The following FIRRM variants were observed in gnomAD, a reference collection of about 807,000 sequenced individuals.
FIRRM encodes the protein FIGNL1 interacting regulator of recombination and mitosis.
chr1:169,805,447 T>C, the FIRRM span, among the ~76,000 whole-genome samples: 3 of 152,238 alleles, frequency 2.0e-5, no homozygotes, highest in Admixed American at 2.0e-4. Context: ...CGCTGTGTGC[T>C]AGCACTTTTC....
chr1:169,850,417 C>T, the FIRRM span: 910 of 1,010,244 alleles, frequency 9.0e-4, 8 homozygotes, highest in African/African-American at 0.013. Flanking sequence ...GTAACTGTAA[C>T]CAACCTGAGT....
At chr1:169,799,180 T>C in the FIRRM span, among the ~76,000 whole-genome samples, 14 of 152,350 alleles carry the variant, frequency 9.2e-5, no homozygotes, top group Non-Finnish European at 1.8e-4. Context: ...CAAAGTGTTT[T>C]GTTGATGATG....
At chr1:169,787,710 C>G in the FIRRM span, among the ~76,000 whole-genome samples, 1 of 152,118 alleles carries the variant, frequency 6.6e-6, no homozygotes, top group African/African-American at 2.4e-5. Flanking sequence ...TTTTCTTTAA[C>G]AATCTGCTGC....
the FIRRM span, among the ~76,000 whole-genome samples, chr1:169,796,960 T>TAC: frequency 6.6e-6 from 1 of 152,226 alleles, no homozygotes; most frequent in Admixed American, 6.5e-5. Context: ...AACGCAGTCT[T>TAC]ACACTTGTAT....
the FIRRM span, among the ~76,000 whole-genome samples, chr1:169,848,335 G>A: frequency 1.3e-5 from 2 of 152,070 alleles, no homozygotes; most frequent in African/African-American, 4.8e-5. Flanking sequence ...ATAATTTAAA[G>A]AACTTACAGC....
chr1:169,806,867 C>G, the FIRRM span, among the ~76,000 whole-genome samples: 2 of 152,188 alleles, frequency 1.3e-5, no homozygotes, highest in African/African-American at 4.8e-5. Flanking sequence ...ATAGCAACTT[C>G]TTGACAGGGT....
the FIRRM span, among the ~76,000 whole-genome samples, chr1:169,799,359 C>T: frequency 0.066 from 10,073 of 152,180 alleles, 427 homozygotes; most frequent in Non-Finnish European, 0.099. Flanking sequence ...AACAAATTTA[C>T]CATTTGGAGG....
At chr1:169,792,744 G>A in the FIRRM span, 116 of 1,613,720 alleles carry the variant, frequency 7.2e-5, no homozygotes, top group African/African-American at 3.3e-4. Context: ...AAAAGTACAC[G>A]TCCATTTTTA....
chr1:169,801,316 G>C, the FIRRM span, among the ~76,000 whole-genome samples: 1 of 151,800 alleles, frequency 6.6e-6, no homozygotes, highest in African/African-American at 2.4e-5. Flanking sequence ...ATGGTGGCAG[G>C]TGCCTGTAAT....
At chr1:169,788,990 T>A in the FIRRM span, among the ~76,000 whole-genome samples, 3 of 152,202 alleles carry the variant, frequency 2.0e-5, no homozygotes, top group African/African-American at 7.2e-5. Flanking sequence ...GTCATAAATG[T>A]ACTGTGGCTT....
At chr1:169,808,971 A>G in the FIRRM span, among the ~76,000 whole-genome samples, 38 of 152,178 alleles carry the variant, frequency 2.5e-4, no homozygotes, top group East Asian at 5.8e-3. Flanking sequence ...AGCCCCTTCT[A>G]TTGTACATCT....
chr1:169,793,438 C>T, the FIRRM span: 7 of 1,614,128 alleles, frequency 4.3e-6, no homozygotes, highest in African/African-American at 1.3e-5. Context: ...GCTCCAAGTT[C>T]CTTGAACTGC....
chr1:169,821,605 C>A, the FIRRM span: 5 of 1,082,512 alleles, frequency 4.6e-6, no homozygotes, highest in African/African-American at 6.5e-5. Context: ...AAAATATTGT[C>A]TCATTTGTAA....
At chr1:169,818,016 T>C in the FIRRM span, among the ~76,000 whole-genome samples, 1 of 152,180 alleles carries the variant, frequency 6.6e-6, no homozygotes, top group Non-Finnish European at 1.5e-5. Context: ...TTCAGCGTTA[T>C]CCTATTTAAC....
the FIRRM span, chr1:169,795,520 T>G: frequency 8.7e-7 from 1 of 1,152,708 alleles, no homozygotes; most frequent in African/African-American, 1.6e-5. Context: ...TTGCTTGCAA[T>G]TAAGTGTAAA....
the FIRRM span, chr1:169,852,232 T>TGAAA: frequency 1.1e-5 from 4 of 373,476 alleles, no homozygotes; most frequent in Non-Finnish European, 1.9e-5. Context: ...CAGAAGAAAA[T>TGAAA]GAAAGAAACT....
the FIRRM span, among the ~76,000 whole-genome samples, chr1:169,822,025 T>C: frequency 6.6e-6 from 1 of 152,182 alleles, no homozygotes; most frequent in Non-Finnish European, 1.5e-5. Context: ...TTTAAAAATT[T>C]TTAAAGATTC....
the FIRRM span, among the ~76,000 whole-genome samples, chr1:169,808,208 A>G: frequency 6.6e-6 from 1 of 152,122 alleles, no homozygotes; most frequent in Non-Finnish European, 1.5e-5. Context: ...GAATCCTTTC[A>G]TTCTTTTCTG....
the FIRRM span, among the ~76,000 whole-genome samples, chr1:169,844,795 TTC>T: frequency 6.6e-6 from 1 of 152,250 alleles, no homozygotes; most frequent in East Asian, 1.9e-4. Flanking sequence ...CCAAATAAAG[TTC>T]TAAAATTTCT....
Sources: allele counts gnomAD v4.1 joint callset (sites outside exome capture counted in the v4.1 genomes callset), GRCh38; gene constraint gnomAD v4.1.1; transcripts MANE v1.5; gene names NCBI Gene and HGNC (gene_info 2026-07-23, HGNC 2026-07-21).